The following FN1 variants were observed in gnomAD, a reference collection of about 807,000 sequenced individuals.
FN1 encodes the protein fibronectin 1.
In FN1, 106 loss-of-function variants were observed where a neutral mutation model predicts 297.3. The ratio of observed to expected loss-of-function variants is 0.36; its 90% confidence interval spans 0.30 to 0.42. The LOEUF is 0.42. FN1 is among the 10% of genes least tolerant of loss of function. The pLI is 1.00. For synonymous variants in FN1, 1,149 were observed against 1,152.6 expected, an observed-to-expected ratio of 1.00 and a Z score of 0.06; for missense variants, 2,690 against 3,124.9, an observed-to-expected ratio of 0.86 and a Z score of 3.32.
In FN1 at chr2:215,365,810, T is replaced by TA. The variant is rs200312347; in HGVS notation, c.7019-181_7019-180insT. 1,702 of 210,272 alleles carry TA rather than the reference T, an allele frequency of 8.1e-3. 6 individuals carry two copies. The highest frequency in any genetic ancestry group is 0.022 in the African/African-American group (625 of 28,320). The allele number at this position is 210,272 out of a possible 1,614,324, so 13.0% of individuals were successfully genotyped here. ...TTATTTATTTATTTACTTTTTATTT[T>TA]TTTTTTTTTTTTTGAGACAAAGTCT... On this transcript the variant is annotated intron_variant, in intron 42 of 45. Coordinates refer to ENST00000354785, the MANE Select transcript of FN1 (RefSeq NM_212482.4).
At chr2:215,371,643 A>G (rs932348653) in intron 40 of FN1, among the ~76,000 whole-genome samples, 6 of 147,938 alleles carry the variant, frequency 4.1e-5, no homozygotes, top group Admixed American at 2.0e-4. Flanking sequence ...TAAATGTGCC[A>G]TCTTCTAAGA....
Position 215,384,861 on chromosome 2 carries a change from TG to T in FN1, c.4727del (p.Thr1576LysfsTer66). 6.3e-7 allele frequency: 1 copy of T among 1,579,276 alleles called. No individual in the cohort carries two copies. Among genetic ancestry groups the T allele is most frequent in the Non-Finnish European group, 8.7e-7 (1 of 1,148,150 alleles). ...TAAAATAGCATTTTACTGCTGTACC[TG>T]TCTCTCCGTAAGTGATCCTGTAATA... is the stretch of plus-strand genomic sequence containing the variant. ...VRYYRITYGE[T>X]GGNSPVQEFT... On this transcript the variant is annotated frameshift_variant and splice_region_variant, in exon 29 of 46. Coordinates refer to ENST00000354785, the MANE Select transcript of FN1 (RefSeq NM_212482.4). LOFTEE classifies it high-confidence loss of function.
At chr2:215,424,073 A>G in intron 8 of FN1, 73 bp downstream of exon 8, 1 of 1,473,162 alleles carries the variant, frequency 6.8e-7, no homozygotes, top group Non-Finnish European at 9.5e-7. Flanking sequence ...AAATGGCTAG[A>G]ATGCTGGCAA....
At chr2:215,405,241 A>T (rs2061622627) in intron 19 of FN1, among the ~76,000 whole-genome samples, 1 of 152,232 alleles carries the variant, frequency 6.6e-6, no homozygotes, top group Non-Finnish European at 1.5e-5. Context: ...TTTATTCTTG[A>T]GAATAATAAC....
intron 22 of FN1, among the ~76,000 whole-genome samples, chr2:215,397,474 T>C (rs1327226423): frequency 6.6e-6 from 1 of 152,184 alleles, no homozygotes; most frequent in African/African-American, 2.4e-5. Context: ...ATTCTTGACA[T>C]GGAAAGAACA....
Position 215,435,978 on chromosome 2 carries a change from A to T in FN1, c.-176T>A. On this transcript the variant is annotated 5_prime_UTR_variant, in exon 1 of 46. Coordinates refer to ENST00000354785, the MANE Select transcript of FN1 (RefSeq NM_212482.4). ...GGGTGGAGGGACAGAAGGGATGCAG[A>T]GGACCAGAGAAGTTGTGGCTGCAGG... 3.7e-6 allele frequency: 5 copies of T among 1,364,446 alleles called. No individual in the cohort carries two copies. Among genetic ancestry groups the T allele is most frequent in the Non-Finnish European group, 4.8e-6 (5 of 1,036,832 alleles). 84.5% of individuals were successfully genotyped at this position (1,364,446 alleles called of 1,614,324 possible). A position where few individuals can be genotyped will look rare whatever the true frequency, so the allele number is the denominator to read the frequency against.
chr2:215,417,473 C>T (rs2063603024), intron 12 of FN1, among the ~76,000 whole-genome samples: 1 of 152,044 alleles, frequency 6.6e-6, no homozygotes, highest in Admixed American at 6.6e-5. Flanking sequence ...TTTCTAGTTG[C>T]TTATTGACAA....
intron 41 of FN1, among the ~76,000 whole-genome samples, chr2:215,368,962 A>G (rs945140676): frequency 1.3e-5 from 2 of 152,212 alleles, no homozygotes; most frequent in African/African-American, 4.8e-5. Flanking sequence ...TCAAAAGCTC[A>G]AAAGCAGTAG....
intron 17 of FN1, 39 bp from the exon 18 acceptor site, chr2:215,407,360 T>C (rs201836848): frequency 6.5e-7 from 1 of 1,536,920 alleles, no homozygotes; most frequent in African/African-American, 1.4e-5. Context: ...CACTGTTTTC[T>C]TTGAGACAGA....
intron 12 of FN1, 113 bp from the exon 13 acceptor site, chr2:215,415,071 G>T: frequency 2.6e-6 from 2 of 767,286 alleles, no homozygotes; most frequent in Non-Finnish European, 2.2e-6. Flanking sequence ...TTAAATGTGA[G>T]TATAATAAAA....
chr2:215,408,031 G>T, intron 17 of FN1, 77 bp downstream of exon 17: 1 of 1,066,664 alleles, frequency 9.4e-7, no homozygotes, highest in Non-Finnish European at 1.5e-6. Context: ...ATGCAGGTCC[G>T]CAGTCAGAAT....
chr2:215,368,291 A>G (rs1275235339), intron 41 of FN1, among the ~76,000 whole-genome samples: 1 of 152,184 alleles, frequency 6.6e-6, no homozygotes, highest in Admixed American at 6.5e-5. Context: ...TGTTGAAACT[A>G]CTTCATAGAA....
chr2:215,415,466 T>C (rs1187556333), intron 12 of FN1, among the ~76,000 whole-genome samples: 1 of 152,132 alleles, frequency 6.6e-6, no homozygotes, highest in South Asian at 2.1e-4. Context: ...TAAATGGGGG[T>C]AGAATCTTAG....
Position 215,401,125 on chromosome 2 carries a change from A to G in FN1, c.3254-1774T>C, listed in dbSNP as rs116469005. Among the ~76,000 whole-genome samples, 569 of 151,252 alleles carry G rather than the reference A, an allele frequency of 3.8e-3. 4 individuals carry two copies. The highest frequency in any genetic ancestry group is 0.013 in the African/African-American group (541 of 41,128). ...AAAAAAAAAATCTTATTTTTAAATA[A>G]AAGATTTGTTTTGGGTTTTAGCACC... is the stretch of plus-strand genomic sequence containing the variant. On this transcript the variant is annotated intron_variant, in intron 20 of 45. Coordinates refer to ENST00000354785, the MANE Select transcript of FN1 (RefSeq NM_212482.4).
intron 13 of FN1, among the ~76,000 whole-genome samples, chr2:215,412,440 A>ATATT (rs1340299601): frequency 1.3e-5 from 2 of 152,108 alleles, no homozygotes; most frequent in Non-Finnish European, 2.9e-5. Context: ...ATTTATTTAT[A>ATATT]TATTTATTTA....
intron 15 of FN1, 87 bp from the exon 16 acceptor site, chr2:215,408,513 T>C: frequency 3.8e-6 from 5 of 1,328,238 alleles, no homozygotes; most frequent in Non-Finnish European, 5.4e-6. Flanking sequence ...ATTTTAAGAA[T>C]TATATATTCA....
chr2:215,383,938 T>C (rs2058560619), intron 30 of FN1, 82 bp downstream of exon 30: 1 of 1,492,392 alleles, frequency 6.7e-7, no homozygotes. Flanking sequence ...ATTCTACAAT[T>C]AGAAAAATAC....
chr2:215,407,950 C>A (rs865967248), intron 17 of FN1, among the ~76,000 whole-genome samples, 158 bp downstream of exon 17: 10 of 44,298 alleles, frequency 2.3e-4, no homozygotes, highest in Non-Finnish European at 3.3e-4. Context: ...CTCCCCCACC[C>A]CCGCCACACA....
At chr2:215,389,656 G>A (rs2106040920) in intron 26 of FN1, among the ~76,000 whole-genome samples, 1 of 152,106 alleles carries the variant, frequency 6.6e-6, no homozygotes, top group South Asian at 2.1e-4. Flanking sequence ...TGGGCGTGGT[G>A]GCTCACGCCT....
Sources: allele counts gnomAD v4.1 joint callset (sites outside exome capture counted in the v4.1 genomes callset), GRCh38; gene constraint gnomAD v4.1.1; transcripts MANE v1.5; gene names NCBI Gene and HGNC (gene_info 2026-07-23, HGNC 2026-07-21).